Variants in VWA8 observed in about 807,000 individuals in gnomAD.
VWA8 encodes the protein von Willebrand factor A domain containing 8.
A neutral mutation model predicts 241.5 loss-of-function variants in VWA8; 221 were observed. The observed-to-expected ratio is 0.91, with a 90% CI of 0.82 to 1.02. The LOEUF (loss-of-function observed/expected upper bound fraction) is 1.02. Among genes scored for constraint, VWA8 ranks in the 50% least tolerant of loss-of-function variants. The probability of loss-of-function intolerance (pLI) is 0.00; values close to 1 mark genes in which losing one functional copy is unlikely to be tolerated. For missense variants in VWA8, 2,322 were observed against 2,328.7 expected (o/e 1.00, Z 0.06); for synonymous variants, 852 against 827.1 (o/e 1.03, Z -0.52).
chr13:41,707,140 G>T lies in VWA8; in HGVS notation c.3117-3729C>A, dbSNP rs575034700. Among the ~76,000 whole-genome samples the T allele has an allele frequency of 4.2e-3, 642 of 152,184 alleles. 3 individuals are homozygous for T. Among genetic ancestry groups the T allele is most frequent in the Non-Finnish European group, 6.6e-3 (450 of 67,982 alleles). ...GCAAGTTACAGAAAGAACAAAAAAG[G>T]TTTTCTTTTTTTAAAAAACACACAT... On this transcript the variant is annotated intron_variant, in intron 26 of 44. Transcript: ENST00000379310.
intron 21 of VWA8, 61 bp downstream of exon 21, chr13:41,761,067 C>T: frequency 6.5e-7 from 1 of 1,528,854 alleles, no homozygotes; most frequent in African/African-American, 1.4e-5. Context: ...TTAAATTGTA[C>T]CAGGAGGGAA....
chr13:41,793,892 T>C (rs148473271), intron 17 of VWA8, among the ~76,000 whole-genome samples: 1,588 of 152,344 alleles, frequency 0.01, 30 homozygotes, highest in African/African-American at 0.037. Flanking sequence ...ATTTATTAAA[T>C]AGGGAATCCT....
intron 37 of VWA8, among the ~76,000 whole-genome samples, chr13:41,670,620 A>C (rs866365556): frequency 2.0e-4 from 31 of 152,274 alleles, no homozygotes; most frequent in South Asian, 1.0e-3. Flanking sequence ...GAAGATGGTA[A>C]AAGTGAGAAC....
At chr13:41,703,461 T>C (rs375743137) in intron 26 of VWA8, 50 bp from the exon 27 acceptor site, 18 of 1,528,066 alleles carry the variant, frequency 1.2e-5, no homozygotes, top group Non-Finnish European at 1.6e-5. Context: ...ACCCAAGTCA[T>C]AGAAAAAAAT....
chr13:41,820,671 G>A (rs958147478), intron 14 of VWA8, among the ~76,000 whole-genome samples: 1 of 152,140 alleles, frequency 6.6e-6, no homozygotes, highest in Middle Eastern at 3.2e-3. Context: ...GAGTTGTTCT[G>A]GAAAAAGAGG....
chr13:41,930,984 A>C (rs769011684), intron 2 of VWA8, among the ~76,000 whole-genome samples: 27 of 151,822 alleles, frequency 1.8e-4, no homozygotes, highest in Non-Finnish European at 3.4e-4. Context: ...CCCCGTCTCT[A>C]CTAAAAATAC....
At chr13:41,835,310 A>G (rs528625405) in intron 12 of VWA8, among the ~76,000 whole-genome samples, 2 of 152,350 alleles carry the variant, frequency 1.3e-5, no homozygotes, top group South Asian at 4.1e-4. Context: ...ATTTTGAATC[A>G]TAAAGACCTT....
At chr13:41,958,196 T>C (rs920097473) in intron 1 of VWA8, among the ~76,000 whole-genome samples, 1 of 152,216 alleles carries the variant, frequency 6.6e-6, no homozygotes, top group Non-Finnish European at 1.5e-5. Context: ...AAATGACCTA[T>C]TTTCCTTCTG....
intron 37 of VWA8, among the ~76,000 whole-genome samples, chr13:41,631,293 T>C (rs1056435744): frequency 4.6e-5 from 7 of 152,156 alleles, no homozygotes; most frequent in African/African-American, 1.7e-4. Flanking sequence ...GTGCTGTGCT[T>C]ACAGGCATGA....
At chr13:41,633,642 T>A (rs1449272035) in intron 37 of VWA8, among the ~76,000 whole-genome samples, 1 of 152,188 alleles carries the variant, frequency 6.6e-6, no homozygotes, top group Non-Finnish European at 1.5e-5. Context: ...ATACTAAATA[T>A]CGGTTGGTAA....
intron 42 of VWA8, among the ~76,000 whole-genome samples, chr13:41,578,650 G>A (rs911362615): frequency 6.6e-6 from 1 of 152,062 alleles, no homozygotes; most frequent in Non-Finnish European, 1.5e-5. Context: ...ACAGGGCCTC[G>A]AGCATGCTTC....
At chr13:41,725,453 T>C (rs1191335172) in intron 24 of VWA8, among the ~76,000 whole-genome samples, 1 of 152,060 alleles carries the variant, frequency 6.6e-6, no homozygotes, top group East Asian at 1.9e-4. Flanking sequence ...GTCTAAGATA[T>C]GGTATAAGAT....
chr13:41,666,465 T>C (rs906338332), intron 37 of VWA8, among the ~76,000 whole-genome samples: 3 of 152,154 alleles, frequency 2.0e-5, no homozygotes, highest in Non-Finnish European at 4.4e-5. Context: ...TTTGGGGAGT[T>C]AGATGATAAA....
intron 37 of VWA8, among the ~76,000 whole-genome samples, chr13:41,641,510 G>A (rs1566398867): frequency 6.6e-6 from 1 of 151,628 alleles, no homozygotes; most frequent in Non-Finnish European, 1.5e-5. Context: ...GTCATACATA[G>A]TATGTCTGGA....
intron 20 of VWA8, among the ~76,000 whole-genome samples, chr13:41,766,334 AG>A (rs2045778969): frequency 6.6e-6 from 1 of 152,216 alleles, no homozygotes; most frequent in Non-Finnish European, 1.5e-5. Flanking sequence ...AGAGAAAGAA[AG>A]AAATAGAGTA....
At chr13:41,581,074 A>C (rs1461575938) in intron 42 of VWA8, among the ~76,000 whole-genome samples, 2 of 86,314 alleles carry the variant, frequency 2.3e-5, no homozygotes, top group South Asian at 3.8e-4. Context: ...ATCTCGGCTC[A>C]CTGCAGGCTC....
chr13:41,613,740 AC>A (rs2044604310), intron 38 of VWA8, among the ~76,000 whole-genome samples: 2 of 152,126 alleles, frequency 1.3e-5, no homozygotes, highest in Non-Finnish European at 2.9e-5. Context: ...ATTCCAAACC[AC>A]TTCAGAAGAT....
At chr13:41,863,431 GTGTA>G (rs1339907955) in intron 12 of VWA8, among the ~76,000 whole-genome samples, 905 of 73,292 alleles carry the variant, frequency 0.012, 17 homozygotes, top group African/African-American at 0.036. Flanking sequence ...GTGTGTGTGT[GTGTA>G]TATATATATA....
chr13:41,571,315 C>CGTCTCCCTCTCCCG (rs1406023580), intron 43 of VWA8, among the ~76,000 whole-genome samples: 2 of 105,854 alleles, frequency 1.9e-5, no homozygotes, highest in African/African-American at 3.6e-5. Flanking sequence ...TCCCTCCTCC[C>CGTCTCCCTCTCCCG]TCTCCCTCTC....
Sources: allele counts gnomAD v4.1 joint callset (sites outside exome capture counted in the v4.1 genomes callset), GRCh38; gene constraint gnomAD v4.1.1; transcripts MANE v1.5; gene names NCBI Gene and HGNC (gene_info 2026-07-23, HGNC 2026-07-21).